The following ATG5 variants were observed in gnomAD, a reference collection of about 807,000 sequenced individuals.
ATG5 encodes autophagy protein 5.
In ATG5, 14 loss-of-function variants were observed where a neutral mutation model predicts 36.5. The observed-to-expected ratio is 0.38, with a 90% CI of 0.25 to 0.60. The LOEUF (loss-of-function observed/expected upper bound fraction) is 0.60. Ranked by LOEUF, ATG5 falls within the 20% of genes least tolerant of loss-of-function variation. The pLI, the probability that ATG5 is intolerant of heterozygous loss-of-function variation, is 0.60. For missense variants in ATG5, 195 were observed against 326.7 expected, an observed-to-expected ratio of 0.60 and a Z score of 3.11; for synonymous variants, 95 against 101.5, an observed-to-expected ratio of 0.94 and a Z score of 0.38.
chr6:106,200,900 A>ACG (rs397956107), intron 7 of ATG5, among the ~76,000 whole-genome samples: 4 of 152,064 alleles, frequency 2.6e-5, no homozygotes, highest in Non-Finnish European at 5.9e-5. Context: ...ACACACACAC[A>ACG]ATGTGGTCAC....
chr6:106,278,718 A>G (rs972781330), intron 5 of ATG5, among the ~76,000 whole-genome samples: 1 of 152,008 alleles, frequency 6.6e-6, no homozygotes, highest in African/African-American at 2.4e-5. Context: ...CCCTTTTTTC[A>G]ATTATCCATT....
chr6:106,305,087 G>A (rs1164293417), intron 3 of ATG5, among the ~76,000 whole-genome samples: 29 of 119,632 alleles, frequency 2.4e-4, no homozygotes, highest in Non-Finnish European at 4.1e-4. Flanking sequence ...GCAAAACTCC[G>A]TCTCAAAAAA....
At chr6:106,316,882 C>T (rs1420379130) in intron 1 of ATG5, among the ~76,000 whole-genome samples, 11 of 152,120 alleles carry the variant, frequency 7.2e-5, no homozygotes, top group Non-Finnish European at 1.6e-4. Flanking sequence ...CCAAAAGTGG[C>T]CCCCTGAACA....
Position 106,312,751 on chromosome 6 carries a change from A to T in ATG5, c.108+3350T>A, listed in dbSNP as rs146118869. ...CACAAGATGGGAGAAGCAACCAACA[A>T]CATCAAACACTGCTGAGATAAAGCA... is the stretch of plus-strand genomic sequence containing the variant. On this transcript the variant is annotated intron_variant, in intron 2 of 7. Transcript: ENST00000369076. Among the ~76,000 whole-genome samples the T allele has an allele frequency of 2.9e-3, 445 of 152,270 alleles. 2 individuals carry two copies. Among genetic ancestry groups the T allele is most frequent in the African/African-American group, 1.0e-2 (415 of 41,548 alleles).
intron 5 of ATG5, among the ~76,000 whole-genome samples, chr6:106,255,778 T>A (rs1778776881): frequency 1.3e-5 from 2 of 152,180 alleles, no homozygotes; most frequent in South Asian, 4.1e-4. Context: ...ATACTCCCAT[T>A]TTCCCTTCAT....
In ATG5 at chr6:106,298,960, T is replaced by C. The variant is rs139651215; in HGVS notation, c.237-5854A>G. On this transcript the variant is annotated intron_variant, in intron 3 of 7. Coordinates refer to ENST00000369076, the MANE Select transcript of ATG5 (RefSeq NM_004849.4). The stretch of plus-strand genomic sequence containing the variant: ...TTTGTACAAGTCTTCTAAACAGATA[T>C]TATATACAGTTTTGTGAGAAGCCTT... 2.9e-3 allele frequency among the ~76,000 whole-genome samples: 445 copies of C among 152,314 alleles called. 2 individuals carry two copies. Among genetic ancestry groups the C allele is most frequent in the African/African-American group, 0.01 (416 of 41,572 alleles).
At chr6:106,302,235 A>G (rs1770242721) in intron 3 of ATG5, among the ~76,000 whole-genome samples, 2 of 152,114 alleles carry the variant, frequency 1.3e-5, no homozygotes, top group East Asian at 3.8e-4. Flanking sequence ...AAGATTTATC[A>G]AATTAGATGA....
chr6:106,250,364 A>G (rs1169596347), intron 5 of ATG5, among the ~76,000 whole-genome samples: 2 of 152,234 alleles, frequency 1.3e-5, no homozygotes, highest in African/African-American at 4.8e-5. Context: ...GCAGTATATT[A>G]GAAATGGTGT....
intron 4 of ATG5, among the ~76,000 whole-genome samples, chr6:106,285,155 T>C (rs192701542): frequency 1.8e-4 from 27 of 152,336 alleles, no homozygotes; most frequent in African/African-American, 6.3e-4. Flanking sequence ...CGATCTGTCT[T>C]TGAGTTCAAA....
intron 4 of ATG5, among the ~76,000 whole-genome samples, chr6:106,288,591 T>C (rs1392193727): frequency 6.6e-6 from 1 of 152,198 alleles, no homozygotes; most frequent in African/African-American, 2.4e-5. Context: ...TACCATTAAC[T>C]TTTAGATCTT....
intron 7 of ATG5, among the ~76,000 whole-genome samples, chr6:106,201,574 T>C (rs1776432085): frequency 6.6e-6 from 1 of 152,174 alleles, no homozygotes; most frequent in Non-Finnish European, 1.5e-5. Flanking sequence ...TCAAATAAAA[T>C]ACTCATCCAT....
At chr6:106,232,396 G>C (rs762781520) in intron 6 of ATG5, among the ~76,000 whole-genome samples, 22 of 152,098 alleles carry the variant, frequency 1.4e-4, no homozygotes, top group Admixed American at 3.3e-4. Flanking sequence ...CCCTTGTTAG[G>C]GAGAGACATT....
At chr6:106,226,166 A>G (rs558954305) in intron 6 of ATG5, among the ~76,000 whole-genome samples, 10 of 152,348 alleles carry the variant, frequency 6.6e-5, no homozygotes, top group East Asian at 1.9e-4. Context: ...CTCTAGTTCT[A>G]GGCATTCAAG....
At chr6:106,200,316 G>A (rs757328572) in intron 7 of ATG5, among the ~76,000 whole-genome samples, 1 of 152,118 alleles carries the variant, frequency 6.6e-6, no homozygotes, top group Non-Finnish European at 1.5e-5. Flanking sequence ...TATATGTCAT[G>A]CAAGTAATCC....
chr6:106,251,254 A>C (rs1778564297), intron 5 of ATG5, among the ~76,000 whole-genome samples: 1 of 152,194 alleles, frequency 6.6e-6, no homozygotes, highest in African/African-American at 2.4e-5. Context: ...AATGTACTAC[A>C]TACCAACTCT....
intron 4 of ATG5, among the ~76,000 whole-genome samples, chr6:106,286,035 G>A (rs994563739): frequency 6.6e-6 from 1 of 151,290 alleles, no homozygotes. Context: ...AAGACGTTCA[G>A]TATCTTTTGT....
chr6:106,295,931 T>A (rs1042728528), intron 3 of ATG5, among the ~76,000 whole-genome samples: 5 of 152,180 alleles, frequency 3.3e-5, no homozygotes, highest in African/African-American at 4.8e-5. Flanking sequence ...TCATAAATTA[T>A]TTTTTTAACC....
At chr6:106,202,986 T>C (rs997862985) in intron 6 of ATG5, among the ~76,000 whole-genome samples, 2 of 151,842 alleles carry the variant, frequency 1.3e-5, no homozygotes, top group Non-Finnish European at 2.9e-5. Context: ...CATCTAATGG[T>C]TGAGAGAGAG....
At chr6:106,213,732 T>A (rs1776939169) in intron 6 of ATG5, among the ~76,000 whole-genome samples, 1 of 152,152 alleles carries the variant, frequency 6.6e-6, no homozygotes, top group Non-Finnish European at 1.5e-5. Context: ...GTACTGTGTA[T>A]CTAGAGCAAA....
Sources: gnomAD v4.1 joint callset for allele counts (sites outside exome capture counted in the v4.1 genomes callset) on GRCh38, gnomAD v4.1.1 for gene constraint, MANE v1.5 for transcripts, NCBI Gene and HGNC (gene_info 2026-07-23, HGNC 2026-07-21) for gene names.